The following HPSE2 variants were observed in gnomAD, a reference collection of about 807,000 sequenced individuals.
HPSE2 encodes the protein heparanase 2 (inactive).
HPSE2 carries 38 observed loss-of-function variants against 60.5 expected under a neutral mutation model. That is an observed-to-expected ratio of 0.63 (90% CI 0.48 to 0.82). The LOEUF is 0.82. Among genes scored for constraint, HPSE2 ranks in the 40% least tolerant of loss-of-function variants. The pLI is 0.00. For synonymous variants in HPSE2, 295 were observed against 293.2 expected (o/e 1.01, Z -0.06); for missense variants, 713 against 740.4 (o/e 0.96, Z 0.43).
chr10:98,815,079 G>A (rs1466902300), intron 3 of HPSE2, among the ~76,000 whole-genome samples: 2 of 152,154 alleles, frequency 1.3e-5, no homozygotes, highest in Non-Finnish European at 2.9e-5. Flanking sequence ...ACCAGCCCAG[G>A]CAACAAAGGG....
intron 3 of HPSE2, among the ~76,000 whole-genome samples, chr10:99,054,709 T>C (rs762479075): frequency 3.0e-4 from 45 of 152,102 alleles, no homozygotes; most frequent in Non-Finnish European, 2.5e-4. Context: ...TTATTGTTTT[T>C]TGTTTGTTTG....
intron 2 of HPSE2, among the ~76,000 whole-genome samples, chr10:99,184,819 T>TATATATATAGAG (rs1554912295): frequency 1.5e-4 from 3 of 19,866 alleles, no homozygotes; most frequent in Admixed American, 6.9e-4. Flanking sequence ...TATATATATA[T>TATATATATAGAG]AGAGAGAGAG....
rs918367671 is a variant in HPSE2 at position 98,898,465 on chromosome 10, T to C, written c.611-154409A>G. ...TAAACGCATACTAAGTAAAAGAAAC[T>C]AGTACATGAAAAGGGTATGGTACGG... On this transcript the variant is annotated intron_variant, in intron 3 of 11. Coordinates refer to ENST00000370552, the MANE Select transcript of HPSE2 (RefSeq NM_021828.5). Among the ~76,000 whole-genome samples, 10 of 152,120 alleles carry C rather than the reference T, an allele frequency of 6.6e-5. No individual in the cohort carries two copies. In the East Asian group the frequency reaches 1.7e-3, roughly 26 times the overall value.
chr10:98,645,526 T>C (rs1412748450), intron 6 of HPSE2, among the ~76,000 whole-genome samples: 1 of 152,210 alleles, frequency 6.6e-6, no homozygotes, highest in Non-Finnish European at 1.5e-5. Flanking sequence ...TCAGTCTGAG[T>C]CCAATTCACA....
chr10:98,488,862 C>G (rs947798012), intron 10 of HPSE2, among the ~76,000 whole-genome samples: 2 of 152,254 alleles, frequency 1.3e-5, no homozygotes, highest in African/African-American at 4.8e-5. Context: ...AAGCCAGCCT[C>G]CCCTCATTTA....
intron 3 of HPSE2, among the ~76,000 whole-genome samples, chr10:99,005,710 A>G (rs1439734069): frequency 6.6e-6 from 1 of 152,038 alleles, no homozygotes; most frequent in Non-Finnish European, 1.5e-5. Context: ...GTAGTGTTAT[A>G]TCTCCTTGGT....
In HPSE2 at chr10:98,788,590, T is replaced by C. The variant is rs188782592; in HGVS notation, c.611-44534A>G. ...GATCTCAGACTGCTGTGCTAGCAAT[T>C]AGCGAGATTCCGTGGGCGTAGGACC... On this transcript the variant is annotated intron_variant, in intron 3 of 11. Transcript: ENST00000370552. 7.9e-4 allele frequency among the ~76,000 whole-genome samples: 120 copies of C among 152,102 alleles called. 1 individual carries two copies. The East Asian group carries it at 0.019, about 24-fold the overall frequency.
intron 6 of HPSE2, among the ~76,000 whole-genome samples, chr10:98,678,376 A>T (rs1198361811): frequency 6.6e-6 from 1 of 152,210 alleles, no homozygotes; most frequent in East Asian, 1.9e-4. Flanking sequence ...ACTGGTGCTC[A>T]AGCTTTAATG....
At chr10:99,266,051 C>G in the HPSE2 span, among the ~76,000 whole-genome samples, 1 of 152,212 alleles carries the variant, frequency 6.6e-6, no homozygotes, top group Non-Finnish European at 1.5e-5. Context: ...ACCAGAGGAA[C>G]TGGGAAAAGA....
intron 3 of HPSE2, among the ~76,000 whole-genome samples, chr10:99,135,623 G>A (rs1057117340): frequency 6.6e-6 from 1 of 152,100 alleles, no homozygotes; most frequent in Non-Finnish European, 1.5e-5. Context: ...CTAAATGAAG[G>A]CAGAAGTAAA....
At chr10:98,738,469 G>C (rs1262327400) in intron 4 of HPSE2, among the ~76,000 whole-genome samples, 2 of 152,146 alleles carry the variant, frequency 1.3e-5, no homozygotes, top group African/African-American at 2.4e-5. Flanking sequence ...AGCCAAAATT[G>C]ACAAATGGGA....
intron 9 of HPSE2, among the ~76,000 whole-genome samples, chr10:98,528,386 A>T (rs929682224): frequency 1.3e-5 from 2 of 152,160 alleles, no homozygotes; most frequent in African/African-American, 4.8e-5. Flanking sequence ...ACATTCTCTG[A>T]GTCATGTCAT....
chr10:99,016,879 T>C (rs1957155393), intron 3 of HPSE2, among the ~76,000 whole-genome samples: 1 of 152,214 alleles, frequency 6.6e-6, no homozygotes, highest in Non-Finnish European at 1.5e-5. Flanking sequence ...CATATTTATT[T>C]TGTATCCTGG....
At chr10:98,569,503 T>C (rs1397811293) in intron 9 of HPSE2, among the ~76,000 whole-genome samples, 1 of 152,174 alleles carries the variant, frequency 6.6e-6, no homozygotes, top group Non-Finnish European at 1.5e-5. Context: ...CCATATAGCA[T>C]TTTGAATCAA....
chr10:98,539,969 T>G (rs1189576408), intron 9 of HPSE2, among the ~76,000 whole-genome samples: 4 of 152,226 alleles, frequency 2.6e-5, no homozygotes, highest in African/African-American at 9.6e-5. Context: ...AGTGAAGAAG[T>G]AGGGAACCGG....
chr10:98,883,545 C>CT (rs1230660788), intron 3 of HPSE2, among the ~76,000 whole-genome samples: 18 of 152,144 alleles, frequency 1.2e-4, no homozygotes, highest in African/African-American at 4.3e-4. Flanking sequence ...TGGCTCACAC[C>CT]TGTAATCTCA....
intron 5 of HPSE2, among the ~76,000 whole-genome samples, chr10:98,705,277 G>A (rs1259647752): frequency 1.3e-5 from 2 of 152,204 alleles, no homozygotes; most frequent in African/African-American, 2.4e-5. Flanking sequence ...CGAAGCTGCG[G>A]AGAAATAGGA....
At chr10:98,740,469 G>C (rs1376522339) in intron 4 of HPSE2, among the ~76,000 whole-genome samples, 2 of 152,052 alleles carry the variant, frequency 1.3e-5, no homozygotes, top group Non-Finnish European at 2.9e-5. Flanking sequence ...AACCATGCCT[G>C]GCCGAAGAAA....
intron 3 of HPSE2, among the ~76,000 whole-genome samples, chr10:99,122,214 T>C (rs982011638): frequency 6.6e-6 from 1 of 152,082 alleles, no homozygotes; most frequent in Admixed American, 6.5e-5. Context: ...TATAAACTTA[T>C]TTTTACCTCA....
Sources: allele counts gnomAD v4.1 joint callset (sites outside exome capture counted in the v4.1 genomes callset), GRCh38; gene constraint gnomAD v4.1.1; transcripts MANE v1.5; gene names NCBI Gene and HGNC (gene_info 2026-07-23, HGNC 2026-07-21).